Variants in GALNT13 observed in about 807,000 individuals in gnomAD.
GALNT13 encodes the protein UDP-GalNAc:polypeptide N-acetylgalactosaminyltransferase 13.
In GALNT13, 28 loss-of-function variants were observed where a neutral mutation model predicts 64.2. The observed-to-expected ratio is 0.44, with a 90% CI of 0.32 to 0.60. GALNT13 has a LOEUF of 0.60. Ranked by LOEUF, GALNT13 falls within the 20% of genes least tolerant of loss-of-function variation. The probability of loss-of-function intolerance (pLI) is 0.05; values close to 1 mark genes in which losing one functional copy is unlikely to be tolerated. For missense variants in GALNT13, 577 were observed against 669.8 expected, an observed-to-expected ratio of 0.86 and a Z score of 1.53; for synonymous variants, 214 against 224.6, an observed-to-expected ratio of 0.95 and a Z score of 0.42.
chr2:153,861,435 G>T, the GALNT13 span, among the ~76,000 whole-genome samples: 6 of 152,076 alleles, frequency 3.9e-5, no homozygotes, highest in Non-Finnish European at 7.4e-5. Context: ...ACAACTTTGT[G>T]TAGACTGGTG....
At chr2:153,739,548 T>A in the GALNT13 span, among the ~76,000 whole-genome samples, 1 of 114,810 alleles carries the variant, frequency 8.7e-6, no homozygotes, top group Non-Finnish European at 1.9e-5. Flanking sequence ...ATGTATTTAT[T>A]TTTATTTATT....
At chr2:153,571,319 T>G in the GALNT13 span, among the ~76,000 whole-genome samples, 1 of 152,092 alleles carries the variant, frequency 6.6e-6, no homozygotes, top group Non-Finnish European at 1.5e-5. Flanking sequence ...TCCTGCAACT[T>G]TAATAAATTT....
At chr2:154,249,585 A>C (rs2105885040) in intron 7 of GALNT13, among the ~76,000 whole-genome samples, 1 of 152,306 alleles carries the variant, frequency 6.6e-6, no homozygotes, top group South Asian at 2.1e-4. Context: ...ACCTACTGGT[A>C]ATTTCCAAGT....
chr2:153,924,707 A>G (rs1689996477), intron 2 of GALNT13, among the ~76,000 whole-genome samples: 1 of 151,850 alleles, frequency 6.6e-6, no homozygotes, highest in Non-Finnish European at 1.5e-5. Flanking sequence ...TTTCTCCACG[A>G]CCTCGTCAGC....
the GALNT13 span, among the ~76,000 whole-genome samples, chr2:153,611,427 G>C: frequency 8.4e-4 from 127 of 152,020 alleles, 2 homozygotes; most frequent in Admixed American, 7.3e-3. Flanking sequence ...GGAGTCCAGT[G>C]GTGCAATCTT....
At chr2:154,103,214 G>C (rs1702438803) in intron 3 of GALNT13, among the ~76,000 whole-genome samples, 1 of 151,416 alleles carries the variant, frequency 6.6e-6, no homozygotes, top group Admixed American at 6.6e-5. Context: ...CTCTATTTTT[G>C]TATGACTGGC....
chr2:154,254,272 T>C (rs1268069791), intron 7 of GALNT13, among the ~76,000 whole-genome samples: 1 of 152,224 alleles, frequency 6.6e-6, no homozygotes, highest in African/African-American at 2.4e-5. Flanking sequence ...GAGGAGCTCG[T>C]TGGGTAGCCC....
At chr2:153,799,831 C>T in the GALNT13 span, among the ~76,000 whole-genome samples, 2 of 152,106 alleles carry the variant, frequency 1.3e-5, no homozygotes, top group Non-Finnish European at 2.9e-5. Context: ...CCCGGTCATT[C>T]AGCCAGAGTC....
At chr2:153,278,849 G>A in the GALNT13 span, among the ~76,000 whole-genome samples, 1 of 151,788 alleles carries the variant, frequency 6.6e-6, no homozygotes, top group Non-Finnish European at 1.5e-5. Context: ...CTCCTTTTTG[G>A]TCCCATACGA....
At chr2:153,175,411 C>G in the GALNT13 span, among the ~76,000 whole-genome samples, 1 of 152,092 alleles carries the variant, frequency 6.6e-6, no homozygotes, top group African/African-American at 2.4e-5. Context: ...TTAAAACATG[C>G]AATCTATACT....
intron 4 of GALNT13, among the ~76,000 whole-genome samples, chr2:154,188,874 C>T (rs1165628187): frequency 4.6e-5 from 7 of 152,068 alleles, no homozygotes. Context: ...AGTTTGACAG[C>T]TTACTAATAG....
the GALNT13 span, among the ~76,000 whole-genome samples, chr2:153,193,374 C>T: frequency 6.8e-6 from 1 of 147,718 alleles, no homozygotes; most frequent in Non-Finnish European, 1.5e-5. Flanking sequence ...CATATTCTCA[C>T]TCATAGGTGG....
chr2:153,349,794 T>C, the GALNT13 span, among the ~76,000 whole-genome samples: 1 of 152,094 alleles, frequency 6.6e-6, no homozygotes, highest in Non-Finnish European at 1.5e-5. Flanking sequence ...TTTGCCAGCT[T>C]CCTTGGCTCA....
intron 4 of GALNT13, among the ~76,000 whole-genome samples, chr2:154,184,544 C>T (rs1038776961): frequency 6.6e-6 from 1 of 151,902 alleles, no homozygotes; most frequent in African/African-American, 2.4e-5. Flanking sequence ...GTATCATTTA[C>T]AGTTTCCTCT....
the GALNT13 span, among the ~76,000 whole-genome samples, chr2:153,580,555 C>T: frequency 1.3e-5 from 2 of 152,020 alleles, no homozygotes; most frequent in East Asian, 3.9e-4. Context: ...GGACAAGTGA[C>T]ACATGAGGAT....
chr2:153,829,311 T>C, the GALNT13 span, among the ~76,000 whole-genome samples: 1 of 152,108 alleles, frequency 6.6e-6, no homozygotes, highest in African/African-American at 2.4e-5. Flanking sequence ...GACTGGGTTA[T>C]TTACAAAAGA....
chr2:153,602,052 G>A, the GALNT13 span, among the ~76,000 whole-genome samples: 6 of 151,842 alleles, frequency 4.0e-5, no homozygotes, highest in Non-Finnish European at 7.4e-5. Flanking sequence ...CTGTGATACC[G>A]CATAAATAGA....
chr2:154,173,245 T>A (rs1271594703), intron 4 of GALNT13, among the ~76,000 whole-genome samples: 1 of 151,916 alleles, frequency 6.6e-6, no homozygotes, highest in Non-Finnish European at 1.5e-5. Context: ...GTCTCTTTGA[T>A]AAATTGTGCT....
chr2:154,126,943 T>A (rs1473770046), intron 3 of GALNT13, among the ~76,000 whole-genome samples: 1 of 152,114 alleles, frequency 6.6e-6, no homozygotes, highest in African/African-American at 2.4e-5. Flanking sequence ...GGGACAATAA[T>A]GTTTTTATTA....
Sources: allele counts gnomAD v4.1 joint callset (sites outside exome capture counted in the v4.1 genomes callset), GRCh38; gene constraint gnomAD v4.1.1; transcripts MANE v1.5; gene names NCBI Gene and HGNC (gene_info 2026-07-23, HGNC 2026-07-21).